P3H2: variants seen among roughly 807,000 people sequenced by gnomAD.
The protein encoded by P3H2 is leprecan-like 1.
A neutral mutation model predicts 87.0 loss-of-function variants in P3H2; 80 were observed. The ratio of observed to expected loss-of-function variants is 0.92; its 90% confidence interval spans 0.77 to 1.11. The LOEUF is 1.11. P3H2 is among the 50% of genes least tolerant of loss of function. The pLI, the probability that P3H2 is intolerant of heterozygous loss-of-function variation, is 0.00. For missense variants in P3H2, 1,001 were observed against 923.9 expected (o/e 1.08, Z -1.08); for synonymous variants, 367 against 359.3 (o/e 1.02, Z -0.24).
At chr3:190,036,216 T>C (rs985562600) in intron 1 of P3H2, among the ~76,000 whole-genome samples, 3 of 152,324 alleles carry the variant, frequency 2.0e-5, no homozygotes, top group Non-Finnish European at 2.9e-5. Flanking sequence ...TCTCCCAAAC[T>C]TTCTCATTTT....
chr3:190,048,603 A>T (rs1725879458), intron 1 of P3H2, among the ~76,000 whole-genome samples: 1 of 152,226 alleles, frequency 6.6e-6, no homozygotes, highest in South Asian at 2.1e-4. Flanking sequence ...AACCAAGTAT[A>T]TTAAAAAACA....
chr3:190,112,155 G>A (rs1421197349), intron 1 of P3H2, among the ~76,000 whole-genome samples: 2 of 152,008 alleles, frequency 1.3e-5, no homozygotes, highest in African/African-American at 4.8e-5. Context: ...TACAACTAGT[G>A]GTCAATGGCA....
intron 7 of P3H2, 75 bp downstream of exon 7, chr3:189,984,475 C>T: frequency 2.8e-6 from 3 of 1,071,340 alleles, no homozygotes; most frequent in Non-Finnish European, 4.4e-6. Flanking sequence ...CATAGAGCTA[C>T]ATTTCTCTAT....
intron 1 of P3H2, among the ~76,000 whole-genome samples, chr3:190,076,248 T>G (rs1274263969): frequency 6.6e-6 from 1 of 152,018 alleles, no homozygotes; most frequent in Non-Finnish European, 1.5e-5. Context: ...TTTGAGATAT[T>G]TATGTGCTTT....
At chr3:190,045,907 G>A (rs963813065) in intron 1 of P3H2, among the ~76,000 whole-genome samples, 1 of 152,096 alleles carries the variant, frequency 6.6e-6, no homozygotes, top group Non-Finnish European at 1.5e-5. Flanking sequence ...AGATCACGAG[G>A]TCAGGAGATC....
intron 1 of P3H2, among the ~76,000 whole-genome samples, chr3:190,058,217 T>G (rs1156313969): frequency 6.6e-6 from 1 of 152,166 alleles, no homozygotes; most frequent in African/African-American, 2.4e-5. Context: ...TTAGTCCCTA[T>G]CTGTCAACTG....
chr3:189,966,129 AAG>A (rs71789221), intron 13 of P3H2, among the ~76,000 whole-genome samples: 1,944 of 54,672 alleles, frequency 0.036, 25 homozygotes, highest in Middle Eastern at 0.042. Flanking sequence ...AAGAAAAAGA[AAG>A]AAAGAAAGAA....
intron 8 of P3H2, among the ~76,000 whole-genome samples, chr3:189,981,626 A>G (rs535898984): frequency 1.8e-4 from 28 of 152,204 alleles, no homozygotes; most frequent in Admixed American, 1.7e-3. Context: ...CTTCTCTATC[A>G]CACGTAGTCT....
At chr3:190,050,253 T>C (rs1236779993) in intron 1 of P3H2, among the ~76,000 whole-genome samples, 2 of 152,202 alleles carry the variant, frequency 1.3e-5, no homozygotes, top group Admixed American at 6.5e-5. Flanking sequence ...TTGCTCTTGA[T>C]TTTGCACTTT....
chr3:189,994,795 T>C (rs1191752463), intron 2 of P3H2, among the ~76,000 whole-genome samples: 2 of 149,584 alleles, frequency 1.3e-5, no homozygotes, highest in African/African-American at 2.4e-5. Context: ...TTTCAAGTAA[T>C]GTTTAGTCTA....
intron 2 of P3H2, 152 bp from the exon 3 acceptor site, chr3:189,994,435 T>A: frequency 1.5e-6 from 1 of 654,146 alleles, no homozygotes; most frequent in Non-Finnish European, 2.6e-6. Flanking sequence ...AAAGAAGGGT[T>A]GCACTGGGAG....
Position 190,082,948 on chromosome 3 carries a change from T to C in P3H2, c.480+37304A>G, listed in dbSNP as rs1465356620. ...CAAAAATAAAATTATATCATACTCA[T>C]GATTTGACAAAGGAACATAATACTC... On this transcript the variant is annotated intron_variant, in intron 1 of 14. Transcript: ENST00000319332. Among the ~76,000 whole-genome samples, 4 of 152,214 alleles carry C rather than the reference T, an allele frequency of 2.6e-5. No individual in the cohort carries two copies. In the East Asian group the frequency reaches 7.7e-4, roughly 29 times the overall value.
At chr3:190,104,950 G>C (rs1013555960) in intron 1 of P3H2, among the ~76,000 whole-genome samples, 12 of 152,136 alleles carry the variant, frequency 7.9e-5, no homozygotes, top group African/African-American at 2.2e-4. Context: ...ATAGGGAGTA[G>C]GCTGGCAACC....
At chr3:190,097,076 C>T (rs372142332) in intron 1 of P3H2, among the ~76,000 whole-genome samples, 10 of 152,106 alleles carry the variant, frequency 6.6e-5, no homozygotes, top group African/African-American at 2.2e-4. Context: ...ATTAAACCTC[C>T]GATTTCTCAC....
chr3:190,048,422 G>A (rs547706830), intron 1 of P3H2, among the ~76,000 whole-genome samples: 2 of 150,834 alleles, frequency 1.3e-5, no homozygotes, highest in African/African-American at 4.9e-5. Context: ...GCTTGAACCC[G>A]GGAGGTGGAG....
intron 14 of P3H2, among the ~76,000 whole-genome samples, chr3:189,963,240 C>T (rs1326160883): frequency 1.3e-5 from 2 of 152,154 alleles, no homozygotes; most frequent in East Asian, 3.8e-4. Context: ...AGCTAAGTGT[C>T]CTCAGCTAGT....
intron 1 of P3H2, among the ~76,000 whole-genome samples, chr3:190,027,779 G>A (rs1280000252): frequency 6.6e-6 from 1 of 151,874 alleles, no homozygotes; most frequent in Non-Finnish European, 1.5e-5. Flanking sequence ...TCCCTCTGCT[G>A]CTCTTCCCAC....
chr3:190,079,341 A>AAATAAAT, intron 1 of P3H2, among the ~76,000 whole-genome samples: 1 of 142,038 alleles, frequency 7.0e-6, no homozygotes, highest in Admixed American at 7.1e-5. Context: ...TCTGTCTCAA[A>AAATAAAT]AAATAAATAA....
intron 1 of P3H2, among the ~76,000 whole-genome samples, chr3:190,118,200 G>A (rs913024030): frequency 6.6e-6 from 1 of 152,118 alleles, no homozygotes; most frequent in South Asian, 2.1e-4. Context: ...CAGAACCAGG[G>A]AAACCCACAT....
Sources: allele counts gnomAD v4.1 joint callset (sites outside exome capture counted in the v4.1 genomes callset), GRCh38; gene constraint gnomAD v4.1.1; transcripts MANE v1.5; gene names NCBI Gene and HGNC (gene_info 2026-07-23, HGNC 2026-07-21).